THNSL1: variants seen among roughly 807,000 people sequenced by gnomAD.
The protein encoded by THNSL1 is threonine synthase like 1, also known as threonine synthase-like 1.
A neutral mutation model predicts 50.4 loss-of-function variants in THNSL1; 48 were observed. The observed-to-expected ratio is 0.95, with a 90% CI of 0.76 to 1.21. The LOEUF (loss-of-function observed/expected upper bound fraction) is 1.21. THNSL1 is among the 50% of genes most tolerant of loss of function. THNSL1 has a pLI of 0.00. For missense variants in THNSL1, 896 were observed against 871.7 expected (o/e 1.03, Z -0.35); for synonymous variants, 309 against 306.1 (o/e 1.01, Z -0.10).
At chr10:24,986,576 G>A in the THNSL1 span, among the ~76,000 whole-genome samples, 1 of 152,224 alleles carries the variant, frequency 6.6e-6, no homozygotes, top group East Asian at 1.9e-4. Context: ...GGAAGTCTAT[G>A]TATTTGTACA....
At position 25,023,878 on chromosome 10, in the gene THNSL1, G is replaced by A; in HGVS notation, c.655G>A (p.Ala219Thr). ...GGAGGTAGCTGACAAAGTGCTGAAT[G>A]CAATTAAAAGATACCAAGATGTGGA... Reference protein sequence around the residue: ...PEEVADKVLNAIKRYQDVDSE... With the variant: ...PEEVADKVLNTIKRYQDVDSE... The change falls in exon 3 of 3, where the codon GCA becomes ACA. Residue 219 changes from alanine to threonine, a missense_variant. Physicochemically the swap from Ala to Thr is moderately conservative, Grantham distance 58. Transcript: ENST00000376356. The A allele has an allele frequency of 6.2e-7, 1 of 1,614,140 alleles. No individual in the cohort carries two copies.
At chr10:24,971,141 C>G in the THNSL1 span, among the ~76,000 whole-genome samples, 1 of 151,956 alleles carries the variant, frequency 6.6e-6, no homozygotes, top group Non-Finnish European at 1.5e-5. Flanking sequence ...GCTTTGTCAC[C>G]AAGGCTAAAG....
chr10:24,958,204 ACC>A, the THNSL1 span, among the ~76,000 whole-genome samples: 4 of 148,904 alleles, frequency 2.7e-5, no homozygotes, highest in Non-Finnish European at 6.0e-5. Context: ...AAAAAAAAAA[ACC>A]TTTCAGTCTG....
chr10:24,990,869 G>C, the THNSL1 span, among the ~76,000 whole-genome samples: 1 of 152,144 alleles, frequency 6.6e-6, no homozygotes, highest in African/African-American at 2.4e-5. Flanking sequence ...TGAGGGGTGG[G>C]GGGGTGGATC....
the THNSL1 span, among the ~76,000 whole-genome samples, chr10:24,956,534 T>A: frequency 9.0e-4 from 136 of 151,566 alleles, no homozygotes; most frequent in African/African-American, 3.2e-3. Flanking sequence ...AACTGACACA[T>A]AATAGTTATA....
At chr10:24,995,361 A>G in the THNSL1 span, among the ~76,000 whole-genome samples, 1 of 152,206 alleles carries the variant, frequency 6.6e-6, no homozygotes, top group Non-Finnish European at 1.5e-5. Flanking sequence ...AACCAAAAAT[A>G]TCTTTCAGAG....
chr10:25,018,127 A>T (rs1199328521), intron 1 of THNSL1, among the ~76,000 whole-genome samples: 1 of 152,252 alleles, frequency 6.6e-6, no homozygotes, highest in Non-Finnish European at 1.5e-5. Flanking sequence ...GCTTTAAAAA[A>T]TGCTAAACAA....
At chr10:24,990,366 A>G in the THNSL1 span, 1 of 1,456,320 alleles carries the variant, frequency 6.9e-7, no homozygotes, top group Non-Finnish European at 9.2e-7. Context: ...TGATTTCAAA[A>G]TCCAAGTGCT....
At chr10:25,013,132 G>A (rs765225047), upstream of THNSL1, among the ~76,000 whole-genome samples, 2 of 152,178 alleles carry the variant, frequency 1.3e-5, no homozygotes, top group Non-Finnish European at 2.9e-5. Flanking sequence ...TTTGCCTTCT[G>A]CCATGATTGT....
chr10:24,984,641 A>G, the THNSL1 span: 1 of 1,167,054 alleles, frequency 8.6e-7, no homozygotes, highest in Non-Finnish European at 1.2e-6. Flanking sequence ...TTCTCTTCAT[A>G]GTATTTTCCT....
the THNSL1 span, among the ~76,000 whole-genome samples, chr10:24,988,456 A>C: frequency 6.9e-6 from 1 of 145,824 alleles, no homozygotes; most frequent in South Asian, 2.1e-4. Flanking sequence ...TACATATGTT[A>C]TATATAATTT....
intron 1 of THNSL1, among the ~76,000 whole-genome samples, chr10:25,020,515 C>T (rs1850698714): frequency 6.6e-6 from 1 of 151,750 alleles, no homozygotes; most frequent in Non-Finnish European, 1.5e-5. Flanking sequence ...GCCTCTAATC[C>T]CAGCACTTTG....
At chr10:24,958,307 T>G in the THNSL1 span, among the ~76,000 whole-genome samples, 5 of 152,234 alleles carry the variant, frequency 3.3e-5, no homozygotes, top group Admixed American at 3.3e-4. Flanking sequence ...TGAAATCCAC[T>G]GTGGACAAAG....
rs772976314 is a variant in THNSL1 at position 25,025,239 on chromosome 10, A to G, written c.2016A>G (p.Ala672=). 2 of 1,614,210 alleles carry G rather than the reference A, an allele frequency of 1.2e-6. No homozygotes were observed. The highest frequency in any genetic ancestry group is 1.7e-6 in the Non-Finnish European group (2 of 1,180,044). Residue 672 remains alanine (A), a synonymous_variant, in exon 3 of 3, where the codon GCA becomes GCG. Coordinates refer to ENST00000376356, the MANE Select transcript of THNSL1 (RefSeq NM_024838.5). ...CTACAGCCCATTACTCAAAGTTTGC[A>G]CCTGCTATCATGCAGGCTTTAAAGA... ...ISSTAHYSKF[A]PAIMQALKIK... is the part of the protein sequence containing the mutation.
the THNSL1 span, among the ~76,000 whole-genome samples, chr10:24,956,220 C>T: frequency 2.0e-5 from 3 of 151,664 alleles, no homozygotes; most frequent in South Asian, 6.2e-4. Context: ...GTTAGGTGTA[C>T]AGATTATTTC....
the THNSL1 span, among the ~76,000 whole-genome samples, chr10:25,011,464 G>A: frequency 2.7e-4 from 41 of 152,178 alleles, no homozygotes; most frequent in East Asian, 5.8e-3. Context: ...ACAAACCTGA[G>A]AAAAACAAGC....
At chr10:24,978,206 A>T in the THNSL1 span, among the ~76,000 whole-genome samples, 1 of 152,154 alleles carries the variant, frequency 6.6e-6, no homozygotes, top group Non-Finnish European at 1.5e-5. Flanking sequence ...TTCATCAAGC[A>T]CATTATGTAG....
At chr10:24,976,234 T>C in the THNSL1 span, among the ~76,000 whole-genome samples, 3 of 152,306 alleles carry the variant, frequency 2.0e-5, no homozygotes, top group Admixed American at 6.5e-5. Flanking sequence ...GTGGAGATTT[T>C]ATTGTGTGTG....
chr10:24,961,798 T>C, the THNSL1 span, among the ~76,000 whole-genome samples: 5,689 of 152,316 alleles, frequency 0.037, 146 homozygotes, highest in Non-Finnish European at 0.059. Flanking sequence ...TATGGTGCTG[T>C]GTTTCAGGGT....
Sources: allele counts gnomAD v4.1 joint callset (sites outside exome capture counted in the v4.1 genomes callset), GRCh38; gene constraint gnomAD v4.1.1; transcripts MANE v1.5; gene names NCBI Gene and HGNC (gene_info 2026-07-23, HGNC 2026-07-21).